The following LARGE1 variants were observed in gnomAD, a reference collection of about 807,000 sequenced individuals.
LARGE1 encodes the protein LARGE xylosyl- and glucuronyltransferase 1.
In LARGE1, 43 loss-of-function variants were observed where a neutral mutation model predicts 87.6. The ratio of observed to expected loss-of-function variants is 0.49; its 90% CI spans 0.38 to 0.63. LARGE1 has a LOEUF of 0.63. Ranked by LOEUF, LARGE1 falls within the 30% of genes least tolerant of loss-of-function variation. LARGE1 has a pLI of 0.00. For synonymous variants in LARGE1, 434 were observed against 394.6 expected (o/e 1.10, Z -1.18); for missense variants, 802 against 1,000.2 (o/e 0.80, Z 2.67).
At chr22:33,649,095 C>G (rs556657515) in intron 3 of LARGE1, among the ~76,000 whole-genome samples, 1 of 152,146 alleles carries the variant, frequency 6.6e-6, no homozygotes, top group Non-Finnish European at 1.5e-5. Flanking sequence ...TGACACATTC[C>G]TCGTTGGACA....
intron 1 of LARGE1, among the ~76,000 whole-genome samples, chr22:33,765,731 T>TAAC (rs2084881607): frequency 7.4e-6 from 1 of 134,282 alleles, no homozygotes; most frequent in Non-Finnish European, 1.5e-5. Flanking sequence ...AAAAAAAAAG[T>TAAC]TATAGACAAA....
chr22:33,617,273 T>C (rs2079607884), intron 4 of LARGE1, among the ~76,000 whole-genome samples: 1 of 152,246 alleles, frequency 6.6e-6, no homozygotes, highest in African/African-American at 2.4e-5. Context: ...ATGCGTGACT[T>C]CTGAGCCTTA....
At chr22:33,459,037 A>G (rs1226505885) in intron 6 of LARGE1, among the ~76,000 whole-genome samples, 3 of 152,038 alleles carry the variant, frequency 2.0e-5, no homozygotes, top group African/African-American at 7.2e-5. Context: ...TCTAAAATAA[A>G]AAAAAGTGTG....
intron 10 of LARGE1, among the ~76,000 whole-genome samples, chr22:33,319,416 GAC>G (rs975038016): frequency 6.6e-6 from 1 of 151,998 alleles, no homozygotes. Context: ...TTTTTTTTGA[GAC>G]AGAGTCTAGC....
chr22:33,651,353 C>T lies in LARGE1; in HGVS notation c.107-685G>A, dbSNP rs140343265. On this transcript the variant is annotated intron_variant, in intron 2 of 14. Coordinates refer to ENST00000397394, the MANE Select transcript of LARGE1 (RefSeq NM_133642.5). ...CTTGCAGTGAGCCGAGATCGCACCA[C>T]TGCACTCCAGCCTGGGCCAGAGTGA... 1.8e-3 allele frequency among the ~76,000 whole-genome samples: 245 copies of T among 133,150 alleles called. 1 individual carries two copies. The highest frequency in any genetic ancestry group is 6.7e-3 in the African/African-American group (234 of 35,144). The allele number at this position is 133,150 out of a possible 152,430, so 87.4% of individuals were successfully genotyped here. A position where few individuals can be genotyped will look rare whatever the true frequency, so the allele number is the denominator to read the frequency against.
At chr22:33,658,775 T>C (rs2081042054) in intron 2 of LARGE1, among the ~76,000 whole-genome samples, 1 of 152,204 alleles carries the variant, frequency 6.6e-6, no homozygotes, top group Admixed American at 6.5e-5. Context: ...TGTAACAGAA[T>C]GATTTATATT....
chr22:33,114,526 G>C, the LARGE1 span, among the ~76,000 whole-genome samples: 1 of 152,268 alleles, frequency 6.6e-6, no homozygotes, highest in Non-Finnish European at 1.5e-5. Flanking sequence ...ACTTCTATTT[G>C]CTACTTCTTC....
chr22:33,406,532 T>C (rs1463054252), intron 7 of LARGE1, among the ~76,000 whole-genome samples: 3 of 152,160 alleles, frequency 2.0e-5, no homozygotes, highest in African/African-American at 7.2e-5. Context: ...TCACTGTTTG[T>C]CTGCCCTTCC....
chr22:33,519,829 A>C (rs1026205909), intron 6 of LARGE1, among the ~76,000 whole-genome samples: 1 of 152,112 alleles, frequency 6.6e-6, no homozygotes, highest in African/African-American at 2.4e-5. Flanking sequence ...GCTGGGTAAA[A>C]AGAGAACATT....
At chr22:33,309,651 A>C (rs1001279387) in intron 11 of LARGE1, among the ~76,000 whole-genome samples, 1 of 152,218 alleles carries the variant, frequency 6.6e-6, no homozygotes, top group Non-Finnish European at 1.5e-5. Context: ...TTCATATATC[A>C]AATAATTTGT....
At chr22:33,124,673 A>T in the LARGE1 span, among the ~76,000 whole-genome samples, 10 of 152,218 alleles carry the variant, frequency 6.6e-5, no homozygotes, top group Admixed American at 3.9e-4. Context: ...CTCATCACCG[A>T]TGCAGGGCAG....
intron 1 of LARGE1, among the ~76,000 whole-genome samples, chr22:33,852,964 C>T (rs1026960929): frequency 6.6e-6 from 1 of 150,672 alleles, no homozygotes; most frequent in African/African-American, 2.4e-5. Context: ...GAATGCCAGG[C>T]GAGGGTCACA....
chr22:33,455,205 G>A (rs2147955117), intron 6 of LARGE1, among the ~76,000 whole-genome samples: 1 of 152,294 alleles, frequency 6.6e-6, no homozygotes, highest in East Asian at 1.9e-4. Flanking sequence ...TGCCAGGAAT[G>A]TTTTTATAGT....
At chr22:33,233,015 T>G (rs1417031456) in intron 11 of LARGE1, among the ~76,000 whole-genome samples, 1 of 152,230 alleles carries the variant, frequency 6.6e-6, no homozygotes, top group African/African-American at 2.4e-5. Flanking sequence ...TGGAAAACTC[T>G]GAAAAGCTTC....
chr22:33,803,241 T>C (rs1385548050), intron 1 of LARGE1, among the ~76,000 whole-genome samples: 2 of 150,818 alleles, frequency 1.3e-5, no homozygotes, highest in Non-Finnish European at 3.0e-5. Context: ...ATACAACTTC[T>C]ATACAACTTA....
chr22:33,491,940 G>A (rs747602198), intron 6 of LARGE1, among the ~76,000 whole-genome samples: 3 of 152,150 alleles, frequency 2.0e-5, no homozygotes, highest in African/African-American at 7.2e-5. Context: ...ATGAAAGGCC[G>A]ACCCCTTGAT....
At chr22:33,522,050 T>C (rs576873388) in intron 6 of LARGE1, among the ~76,000 whole-genome samples, 57 of 152,242 alleles carry the variant, frequency 3.7e-4, no homozygotes, top group African/African-American at 1.3e-3. Context: ...GAGCAAGAAG[T>C]CACTCATTAC....
At chr22:33,847,655 A>C (rs530905493) in intron 1 of LARGE1, among the ~76,000 whole-genome samples, 107 of 152,298 alleles carry the variant, frequency 7.0e-4, no homozygotes, top group Non-Finnish European at 1.4e-3. Context: ...CTGTGAACTG[A>C]CCTGTACAAG....
At chr22:33,220,235 C>A (rs1288804418) in intron 11 of LARGE1, among the ~76,000 whole-genome samples, 1 of 152,196 alleles carries the variant, frequency 6.6e-6, no homozygotes, top group African/African-American at 2.4e-5. Context: ...CAGCTCAAGC[C>A]ATTTTCTCAA....
Sources: gnomAD v4.1 joint callset for allele counts (sites outside exome capture counted in the v4.1 genomes callset) on GRCh38, gnomAD v4.1.1 for gene constraint, MANE v1.5 for transcripts, NCBI Gene and HGNC (gene_info 2026-07-23, HGNC 2026-07-21) for gene names.